The following ZBP1 variants were observed in gnomAD, a reference collection of about 807,000 sequenced individuals.
The protein encoded by ZBP1 is Z-DNA binding protein 1.
In ZBP1, 42 loss-of-function variants were observed where a neutral mutation model predicts 41.1. The ratio of observed to expected loss-of-function variants is 1.02; its 90% CI spans 0.80 to 1.32. The LOEUF (loss-of-function observed/expected upper bound fraction) is 1.32. Ranked by LOEUF, ZBP1 falls within the 40% of genes most tolerant of loss-of-function variation. ZBP1 has a pLI of 0.00. For missense variants in ZBP1, 562 were observed against 549.7 expected (o/e 1.02, Z -0.22); for synonymous variants, 214 against 205.2 (o/e 1.04, Z -0.37).
chr20:57,619,864 T>A (rs573005034), intron 1 of ZBP1, among the ~76,000 whole-genome samples: 110 of 150,414 alleles, frequency 7.3e-4, no homozygotes, highest in African/African-American at 2.6e-3. Flanking sequence ...TGAGATGGAA[T>A]CTCACTCTGT....
intron 2 of ZBP1, chr20:57,616,041 C>T: frequency 1.6e-6 from 1 of 609,774 alleles, no homozygotes; most frequent in Non-Finnish European, 2.9e-6. Flanking sequence ...GAGCCTGACG[C>T]AGGGCCTCCT....
chr20:57,605,657 G>A (rs2070476257), intron 7 of ZBP1, among the ~76,000 whole-genome samples: 1 of 152,150 alleles, frequency 6.6e-6, no homozygotes, highest in Admixed American at 6.5e-5. Flanking sequence ...ACAATGGGCC[G>A]GGCGCCGTGG....
chr20:57,618,643 G>A (rs1007656835), intron 1 of ZBP1, among the ~76,000 whole-genome samples: 22 of 152,196 alleles, frequency 1.4e-4, no homozygotes, highest in African/African-American at 5.3e-4. Context: ...CTGCAGTGGT[G>A]TGATCTCGGC....
rs770999420 is a variant in ZBP1, at chr20:57,604,664, G to T, written c.1199C>A (p.Thr400Asn). The T allele has an allele frequency of 6.2e-7, 1 of 1,614,178 alleles. No homozygotes were observed. The highest frequency in any genetic ancestry group is 8.5e-7 in the Non-Finnish European group (1 of 1,180,028). ...AGCTTTGTGACTCCTGTTTCCAAGA[G>T]TCATAGTTTCCAGCTTGGGGGTGAG... is the stretch of plus-strand genomic sequence containing the variant. The part of the protein sequence containing the change: ...SKLTPKLETM[T>N]LGNRSHKAAE... Residue 400 changes from threonine (T) to asparagine (N), a missense_variant, in exon 8 of 8, where the codon ACT becomes AAT. Transcript: ENST00000371173.
rs1159556379 is a variant in ZBP1, at chr20:57,610,206, C to T, written c.1036G>A (p.Val346Met). 15 of 1,614,102 alleles carry T rather than the reference C, an allele frequency of 9.3e-6. No homozygotes were observed. In the Admixed American group the frequency reaches 1.7e-4, roughly 18 times the overall value. ...CCTGCGACTCCTCCTGGGCCAGCCACCCCTGGGCTGATAGACATTTTGTTG... is the reference window on the plus strand; with the variant it reads ...CCTGCGACTCCTCCTGGGCCAGCCATCCCTGGGCTGATAGACATTTTGTTG... ...NSNKMSISPG[V>M]AGPGGVAGSG... Residue 346 changes from valine (V) to methionine (M), a missense_variant, in exon 7 of 8, where the codon GTG becomes ATG. Val to Met is a conservative substitution (Grantham distance 21, BLOSUM62 1). Transcript: ENST00000371173. This position sits in a 1 kb window ranked among gnomAD's most constrained non-coding sequence, Gnocchi z 5.5.
In ZBP1 at chr20:57,616,317, G is replaced by T; in HGVS notation, c.186C>A (p.Ser62=). Residue 62 remains serine (S), a synonymous_variant, in exon 2 of 8, where the codon TCC becomes TCA. Transcript: ENST00000371173. ...MKKELKVSLT[S]PATWCLGGTD... is the part of the protein sequence containing the mutation. ...TCCCGCCCAAGCACCAGGTGGCAGGGGATGTGAGGGAGACTTTCAACTCCT... is the reference window on the plus strand; with the variant it reads ...TCCCGCCCAAGCACCAGGTGGCAGGTGATGTGAGGGAGACTTTCAACTCCT... 1.2e-6 allele frequency: 2 copies of T among 1,614,170 alleles called. No homozygotes were observed. Among genetic ancestry groups the T allele is most frequent in the Non-Finnish European group, 1.7e-6 (2 of 1,180,042 alleles).
In ZBP1 at chr20:57,616,483, G is replaced by C. The variant is rs375042085; in HGVS notation, c.35-15C>G. The C allele has an allele frequency of 2.5e-6, 4 of 1,612,104 alleles. No homozygotes were observed. The highest frequency in any genetic ancestry group is 1.7e-5 in the Admixed American group (1 of 60,014). On this transcript the variant is annotated splice_polypyrimidine_tract_variant and intron_variant, in intron 1 of 7. Transcript: ENST00000371173. ...TTCAAGGTGGCCTGGGGGAGCGAGC[G>C]GGGGACAGAGAGGGGAACTGAGTCT...
At chr20:57,616,093 A>T in intron 2 of ZBP1, 151 bp downstream of exon 2, 1 of 749,654 alleles carries the variant, frequency 1.3e-6, no homozygotes, top group South Asian at 1.8e-5. Flanking sequence ...GAGCTCCATC[A>T]ACCAGAAAAA....
At chr20:57,616,647 C>T in intron 1 of ZBP1, 179 bp from the exon 2 acceptor site, 1 of 632,890 alleles carries the variant, frequency 1.6e-6, no homozygotes, top group Non-Finnish European at 2.7e-6. Context: ...TGCATCTGCC[C>T]AGAGGGAGGC....
Position 57,604,414 on chromosome 20 carries a change from C to T in ZBP1, c.*159G>A, listed in dbSNP as rs751028448. On this transcript the variant is annotated 3_prime_UTR_variant, in exon 8 of 8. Transcript: ENST00000371173. ...ATCAAAAGACCTGGCCTGAACCCAT[C>T]CCCATGCCAGGTCCATTCCCCCAAA... is the stretch of plus-strand genomic sequence containing the variant. 24 of 906,530 alleles carry T rather than the reference C, an allele frequency of 2.6e-5. No homozygotes were observed. Among genetic ancestry groups the T allele is most frequent in the Non-Finnish European group, 3.0e-5 (17 of 563,882 alleles). 56.2% of individuals were successfully genotyped at this position (906,530 alleles called of 1,614,324 possible).
At chr20:57,608,249 G>C (rs1252411239) in intron 7 of ZBP1, among the ~76,000 whole-genome samples, 1 of 152,112 alleles carries the variant, frequency 6.6e-6, no homozygotes, top group Non-Finnish European at 1.5e-5. Flanking sequence ...AGCCTCCTGA[G>C]TAGCTGGGAC....
Position 57,611,904 on chromosome 20 carries a change from A to C in ZBP1, c.697T>G (p.Ser233Ala). The C allele has an allele frequency of 6.4e-7, 1 of 1,566,708 alleles. No individual in the cohort carries two copies. Among genetic ancestry groups the C allele is most frequent in the East Asian group, 2.4e-5 (1 of 42,444 alleles). The change falls in exon 6 of 8, where the codon TCA becomes GCA. Residue 233 changes from serine to alanine, a missense_variant. Coordinates refer to ENST00000371173, the MANE Select transcript of ZBP1 (RefSeq NM_030776.3). ...GTTGAGGAATCACCTGGTGCCATTG[A>C]AGGGAGGTGGCGTGGACCGGCGGAA... ...DGSAGPRHLP[S>A]MAPGDSSTWG...
chr20:57,617,835 G>A (rs1341703378), intron 1 of ZBP1: 1 of 150,966 alleles, frequency 6.6e-6, no homozygotes, highest in Non-Finnish European at 1.5e-5. Context: ...ACTCCAGCCT[G>A]GACAAGACCC....
chr20:57,604,330 A>C lies in ZBP1; in HGVS notation c.*243T>G, dbSNP rs1279777035. ...GACCGAGCCCCACTCCCATCTACCC[A>C]CCTCCTCTTGGCACACCAAAGGTTC... is the stretch of plus-strand genomic sequence containing the variant. On this transcript the variant is annotated 3_prime_UTR_variant, in exon 8 of 8. Transcript: ENST00000371173. 1 of 647,620 alleles carries C rather than the reference A, an allele frequency of 1.5e-6. No homozygotes were observed. The highest frequency in any genetic ancestry group is 1.8e-5 in the African/African-American group (1 of 55,794). The allele number at this position is 647,620 out of a possible 1,614,324, so 40.1% of individuals were successfully genotyped here. A position where few individuals can be genotyped will look rare whatever the true frequency, so the allele number is the denominator to read the frequency against.
In ZBP1 at chr20:57,615,581, C is replaced by T; in HGVS notation, c.260-1G>A. 1 of 1,611,878 alleles carries T rather than the reference C, an allele frequency of 6.2e-7. No homozygotes were observed. Among genetic ancestry groups the T allele is most frequent in the Non-Finnish European group, 8.5e-7 (1 of 1,179,212 alleles). On this transcript the variant is annotated splice_acceptor_variant, in intron 2 of 7. Transcript: ENST00000371173. LOFTEE classifies it high-confidence loss of function. ...GCTGCATGTTGCTGGGGCCTCTCGGCTGCAGAAAGAAAGATGGGTCAGAGG... is the reference window on the plus strand; with the variant it reads ...GCTGCATGTTGCTGGGGCCTCTCGGTTGCAGAAAGAAAGATGGGTCAGAGG...
chr20:57,606,938 G>A (rs1298558851), intron 7 of ZBP1: 4 of 1,160,074 alleles, frequency 3.4e-6, no homozygotes, highest in Non-Finnish European at 4.4e-6. Context: ...CGTTGACAAT[G>A]CACCTGTTCA....
In ZBP1 at chr20:57,613,262, G is replaced by A; in HGVS notation, c.571C>T (p.Gln191Ter). The change falls in exon 5 of 8, where the codon CAG becomes TAG. Residue 191 changes from glutamine (Q) to a stop codon, truncating the protein, a stop_gained. Transcript: ENST00000371173. LOFTEE classifies it high-confidence loss of function. The surrounding 1 kb of genome is among the most constrained non-coding windows in gnomAD (Gnocchi z 4.5). ...GAAATCCAGCTGTTGGGTCCATTCT[G>A]GCAGATCATGTTGATTGGATTGTGC... is the stretch of plus-strand genomic sequence containing the variant. ...YQHNPINMIC[Q>*]NGPNSWISIA... The A allele has an allele frequency of 6.2e-7, 1 of 1,614,258 alleles. No homozygotes were observed. The highest frequency in any genetic ancestry group is 8.5e-7 in the Non-Finnish European group (1 of 1,180,044).
At chr20:57,612,561 G>A (rs2902996) in intron 5 of ZBP1, among the ~76,000 whole-genome samples, 19,772 of 152,156 alleles carry the variant, frequency 0.13, 1,623 homozygotes, top group Admixed American at 0.18. Context: ...TCCCGACTTT[G>A]GGGCTGATGC....
intron 7 of ZBP1, among the ~76,000 whole-genome samples, chr20:57,609,334 G>T (rs577851020): frequency 6.6e-6 from 1 of 152,150 alleles, no homozygotes; most frequent in East Asian, 1.9e-4. Flanking sequence ...TGGCTGGGAC[G>T]GTGAACCGCA....
Sources: gnomAD v4.1 joint callset for allele counts (sites outside exome capture counted in the v4.1 genomes callset) on GRCh38, gnomAD v4.1.1 for gene constraint, Gnocchi (gnomAD v3.1) non-coding constraint, MANE v1.5 for transcripts, NCBI Gene and HGNC (gene_info 2026-07-23, HGNC 2026-07-21) for gene names.